The following MMS22L variants were observed in gnomAD, a reference collection of about 807,000 sequenced individuals.
MMS22L encodes MMS22 like, DNA repair protein, also known as protein MMS22-like.
Under a neutral mutation model 159.1 loss-of-function variants are expected in MMS22L, and 74 were observed. The ratio of observed to expected loss-of-function variants is 0.47; its 90% confidence interval spans 0.39 to 0.56. The LOEUF (loss-of-function observed/expected upper bound fraction) is 0.56. Among genes scored for constraint, MMS22L ranks in the 20% least tolerant of loss-of-function variants. The probability of loss-of-function intolerance (pLI) is 0.00; values close to 1 mark genes in which losing one functional copy is unlikely to be tolerated. For synonymous variants in MMS22L, 517 were observed against 506.9 expected (o/e 1.02, Z -0.27); for missense variants, 1,351 against 1,422.1 (o/e 0.95, Z 0.80).
chr6:97,238,572 C>CGTGTGTGTGT (rs71740630), intron 11 of MMS22L, among the ~76,000 whole-genome samples: 1,612 of 91,506 alleles, frequency 0.018, 12 homozygotes, highest in Middle Eastern at 0.092. Context: ...TGTCTCATCT[C>CGTGTGTGTGT]GTGTGTGTGT....
At chr6:97,250,094 T>C (rs1049914736) in intron 10 of MMS22L, among the ~76,000 whole-genome samples, 4 of 152,182 alleles carry the variant, frequency 2.6e-5, no homozygotes, top group African/African-American at 7.2e-5. Context: ...CAAAGAGATA[T>C]AGATTTTTCT....
Position 97,278,961 on chromosome 6 carries a change from G to A in MMS22L, c.291-63C>T, listed in dbSNP as rs139076197. ...ACACTTTAAAGCATGTAACAATTAC[G>A]TGGACAATGTTTCCAAATTACACAG... On this transcript the variant is annotated intron_variant, in intron 3 of 24. Transcript: ENST00000683635. The A allele has an allele frequency of 1.3e-4, 184 of 1,384,302 alleles. 1 individual carries two copies. The Middle Eastern group carries it at 2.0e-3, about 15-fold the overall frequency. 85.8% of individuals were successfully genotyped at this position (1,384,302 alleles called of 1,614,324 possible).
At chr6:97,149,778 A>C in intron 24 of MMS22L, 75 bp downstream of exon 24, 1 of 1,386,054 alleles carries the variant, frequency 7.2e-7, no homozygotes, top group South Asian at 1.7e-5. Context: ...ATAAGAAAAT[A>C]AATCATTTCT....
At chr6:97,262,509 G>A (rs1304249713) in intron 9 of MMS22L, among the ~76,000 whole-genome samples, 2 of 151,790 alleles carry the variant, frequency 1.3e-5, no homozygotes, top group African/African-American at 2.4e-5. Context: ...GCTGGCCACG[G>A]TGGTGCATGC....
chr6:97,235,045 A>G (rs1811249950), intron 11 of MMS22L, among the ~76,000 whole-genome samples: 1 of 152,234 alleles, frequency 6.6e-6, no homozygotes, highest in African/African-American at 2.4e-5. Context: ...GAGTAAGCAC[A>G]GAAGTGACAT....
intron 11 of MMS22L, among the ~76,000 whole-genome samples, chr6:97,238,186 C>T (rs182838738): frequency 8.0e-4 from 122 of 152,300 alleles, no homozygotes; most frequent in African/African-American, 2.8e-3. Context: ...TCACTACACA[C>T]GACTGTCGTA....
chr6:97,238,309 T>C (rs1811640276), intron 11 of MMS22L, among the ~76,000 whole-genome samples: 2 of 152,234 alleles, frequency 1.3e-5, no homozygotes, highest in South Asian at 4.1e-4. Context: ...GTTACTCTTC[T>C]GATGATCAAA....
chr6:97,205,129 G>A (rs1410008281), intron 14 of MMS22L, among the ~76,000 whole-genome samples: 1 of 151,540 alleles, frequency 6.6e-6, no homozygotes, highest in African/African-American at 2.4e-5. Flanking sequence ...ACTTTTAGTA[G>A]AGACGGGTTT....
At chr6:97,203,019 G>A (rs950678336) in intron 14 of MMS22L, among the ~76,000 whole-genome samples, 1 of 152,116 alleles carries the variant, frequency 6.6e-6, no homozygotes, top group Non-Finnish European at 1.5e-5. Context: ...GTACAAAAAG[G>A]ATATAAAACA....
intron 22 of MMS22L, among the ~76,000 whole-genome samples, chr6:97,158,547 T>A (rs1250805687): frequency 6.6e-6 from 1 of 152,232 alleles, no homozygotes; most frequent in Non-Finnish European, 1.5e-5. Flanking sequence ...CATCTTTACT[T>A]CTGGCTTCAT....
intron 22 of MMS22L, among the ~76,000 whole-genome samples, chr6:97,161,615 A>G (rs1218602627): frequency 1.3e-5 from 2 of 152,072 alleles, no homozygotes; most frequent in African/African-American, 4.8e-5. Flanking sequence ...CAGCTTAGAT[A>G]TTCCAGCAAA....
At chr6:97,167,963 T>G in intron 20 of MMS22L, 108 bp downstream of exon 20, 2 of 944,668 alleles carry the variant, frequency 2.1e-6, no homozygotes, top group East Asian at 2.7e-5. Context: ...ACACAAGCAT[T>G]TGAGATTATA....
chr6:97,252,713 A>T (rs1314538143), intron 10 of MMS22L, among the ~76,000 whole-genome samples: 1 of 152,152 alleles, frequency 6.6e-6, no homozygotes, highest in Non-Finnish European at 1.5e-5. Flanking sequence ...AATATTATGC[A>T]AATACACAAC....
chr6:97,249,180 G>C (rs1812978026), intron 10 of MMS22L, among the ~76,000 whole-genome samples: 1 of 152,144 alleles, frequency 6.6e-6, no homozygotes, highest in Non-Finnish European at 1.5e-5. Flanking sequence ...ATTGAGGCTT[G>C]AGTGGGCACC....
In MMS22L at chr6:97,178,478, C is replaced by A. The variant is rs746053321; in HGVS notation, c.2644G>T (p.Glu882Ter). The A allele has an allele frequency of 6.3e-7, 1 of 1,578,194 alleles. No individual in the cohort carries two copies. Among genetic ancestry groups the A allele is most frequent in the East Asian group, 2.3e-5 (1 of 43,440 alleles). ...KAQVEYLSIS[E>*]DPKKALVRFF... ...CGAACAAGTGCTTTTTTAGGGTCTT[C>A]TGAGATGGATAAATATTCAACTTGG... Residue 882 changes from glutamate to a stop codon, truncating the protein, a stop_gained, in exon 18 of 25, where the codon GAA becomes TAA. Transcript: ENST00000683635. LOFTEE classifies it high-confidence loss of function.
chr6:97,188,393 C>T (rs1463891437), intron 14 of MMS22L, among the ~76,000 whole-genome samples: 1 of 152,096 alleles, frequency 6.6e-6, no homozygotes, highest in Non-Finnish European at 1.5e-5. Flanking sequence ...CATTTCTGAT[C>T]GACCTCTATA....
chr6:97,246,245 A>G (rs2128040372), intron 11 of MMS22L: 1 of 423,378 alleles, frequency 2.4e-6, no homozygotes, highest in African/African-American at 2.1e-5. Flanking sequence ...TGTAAGACAA[A>G]TTGCTCAGCA....
intron 14 of MMS22L, among the ~76,000 whole-genome samples, chr6:97,222,043 G>A (rs930074968): frequency 5.3e-5 from 8 of 151,930 alleles, no homozygotes; most frequent in African/African-American, 1.7e-4. Context: ...TAAATTATTT[G>A]GCATACAGCA....
Position 97,177,579 on chromosome 6 carries a change from C to T in MMS22L, c.2679+864G>A, listed in dbSNP as rs114392629. On this transcript the variant is annotated intron_variant, in intron 18 of 24. Coordinates refer to ENST00000683635, the MANE Select transcript of MMS22L (RefSeq NM_001350599.2). ...TTCTGATCCATTATAGCTCCTAGCA[C>T]ACCACAGGCATTTAATTGCAGGTTC... 6.8e-3 allele frequency among the ~76,000 whole-genome samples: 1,028 copies of T among 152,202 alleles called. 12 individuals carry two copies. The highest frequency in any genetic ancestry group is 0.023 in the African/African-American group (959 of 41,528).
Sources: allele counts gnomAD v4.1 joint callset (sites outside exome capture counted in the v4.1 genomes callset), GRCh38; gene constraint gnomAD v4.1.1; transcripts MANE v1.5; gene names NCBI Gene and HGNC (gene_info 2026-07-23, HGNC 2026-07-21).